RYR2: variants seen among roughly 807,000 people sequenced by gnomAD.
RYR2 encodes cardiac muscle ryanodine receptor-calcium release channel.
In RYR2, 227 loss-of-function variants were observed where a neutral mutation model predicts 601.1. The observed-to-expected ratio is 0.38, with a 90% confidence interval of 0.34 to 0.42. The LOEUF (loss-of-function observed/expected upper bound fraction) is 0.42. Ranked by LOEUF, RYR2 falls within the 10% of genes least tolerant of loss-of-function variation. The pLI is 1.00. For synonymous variants in RYR2, 2,223 were observed against 2,175.1 expected (o/e 1.02, Z -0.61); for missense variants, 4,646 against 6,156.5 (o/e 0.75, Z 8.21).
intron 20 of RYR2, 151 bp from the exon 21 acceptor site, chr1:237,500,560 C>A: frequency 3.2e-6 from 2 of 626,808 alleles, no homozygotes; most frequent in Non-Finnish European, 5.4e-6. Flanking sequence ...AAGAGTTTAA[C>A]ATGTAACATG....
rs181904495 is a variant in RYR2 at position 237,306,193 on chromosome 1, C to T, written c.169-24685C>T. Among the ~76,000 whole-genome samples the T allele has an allele frequency of 4.6e-5, 7 of 152,214 alleles. No homozygotes were observed. In the East Asian group the frequency reaches 1.2e-3, roughly 25 times the overall value. ...ATATAGGTAGCTGATAGGATTAATA[C>T]CATTTAATAATTTTCTATCTGTTTA... On this transcript the variant is annotated intron_variant, in intron 2 of 104. Transcript: ENST00000366574.
rs918690547 is a variant in RYR2, at chr1:237,540,280, C to G, written c.2907-8151C>G. Among the ~76,000 whole-genome samples the G allele has an allele frequency of 2.6e-5, 4 of 151,920 alleles. No homozygotes were observed. In the East Asian group the frequency reaches 7.7e-4, roughly 29 times the overall value. On this transcript the variant is annotated intron_variant, in intron 25 of 104. Transcript: ENST00000366574. ...GCCTAATTGAGTGTTTGAGATTGTT[C>G]GAAAAGCTGTAGATTTAAATGAAAA...
chr1:237,385,674 A>G (rs1701908908), intron 8 of RYR2, among the ~76,000 whole-genome samples: 1 of 152,182 alleles, frequency 6.6e-6, no homozygotes. Flanking sequence ...ATGGATTTGT[A>G]TGTGTGTGTG....
At chr1:237,300,278 G>A (rs114660122) in intron 2 of RYR2, among the ~76,000 whole-genome samples, 4,253 of 152,206 alleles carry the variant, frequency 0.028, 90 homozygotes, top group Non-Finnish European at 0.045. Context: ...TGTTTAAATC[G>A]TAACTAGCAG....
intron 60 of RYR2, among the ~76,000 whole-genome samples, chr1:237,676,033 T>G (rs1685366311): frequency 6.6e-6 from 1 of 152,186 alleles, no homozygotes; most frequent in Non-Finnish European, 1.5e-5. Context: ...TAATCTGAAT[T>G]AATGAAATTT....
At chr1:237,100,702 A>AG (rs1667992527) in intron 1 of RYR2, among the ~76,000 whole-genome samples, 1 of 152,120 alleles carries the variant, frequency 6.6e-6, no homozygotes. Context: ...TGGGATTTAA[A>AG]GGGGCAGTTG....
intron 3 of RYR2, among the ~76,000 whole-genome samples, chr1:237,331,722 G>A (rs1450315305): frequency 6.6e-6 from 1 of 151,032 alleles, no homozygotes; most frequent in African/African-American, 2.4e-5. Flanking sequence ...CACCATGTTG[G>A]CCAGGATGGT....
chr1:237,530,369 G>A (rs1668022365), intron 24 of RYR2, 58 bp from the exon 25 acceptor site: 2 of 1,297,074 alleles, frequency 1.5e-6, no homozygotes, highest in Admixed American at 3.9e-5. Context: ...CTGCTGTCTT[G>A]GGTTATTCTG....
chr1:237,044,056 G>T (rs966247898), intron 1 of RYR2, among the ~76,000 whole-genome samples: 1 of 152,152 alleles, frequency 6.6e-6, no homozygotes, highest in Admixed American at 6.5e-5. Flanking sequence ...ATGCACCATT[G>T]CATATGCTTT....
At chr1:237,695,212 G>T (rs1687311222) in intron 63 of RYR2, among the ~76,000 whole-genome samples, 1 of 152,140 alleles carries the variant, frequency 6.6e-6, no homozygotes, top group African/African-American at 2.4e-5. Flanking sequence ...ATTATTTAGA[G>T]AGTCATATAT....
chr1:237,801,367 CAAAAAAAAAA>C (rs71162423), intron 97 of RYR2, among the ~76,000 whole-genome samples: 5 of 95,514 alleles, frequency 5.2e-5, no homozygotes, highest in Non-Finnish European at 8.2e-5. Context: ...CCCATCTCTA[CAAAAAAAAAA>C]AAAAAAAAAA....
intron 55 of RYR2, among the ~76,000 whole-genome samples, 153 bp downstream of exon 55, chr1:237,660,227 A>G (rs1202257964): frequency 6.7e-6 from 1 of 149,284 alleles, no homozygotes; most frequent in African/African-American, 2.5e-5. Flanking sequence ...ACCTTCTTAT[A>G]TTTTGTCTTT....
At position 237,217,165 on chromosome 1, in the gene RYR2, A is replaced by G. The variant is rs150365304; in HGVS notation, c.49-53332A>G. 4.6e-3 allele frequency among the ~76,000 whole-genome samples: 706 copies of G among 152,322 alleles called. 10 individuals are homozygous for G. The highest frequency in any genetic ancestry group is 0.014 in the African/African-American group (601 of 41,582). ...GACCTCGACTGGTAGGACACTGAGT[A>G]TCATGGGTAGAGAAGTAGCCTCTGA... On this transcript the variant is annotated intron_variant, in intron 1 of 104. Transcript: ENST00000366574.
chr1:237,169,353 C>T (rs906785848), intron 1 of RYR2, among the ~76,000 whole-genome samples: 51 of 150,912 alleles, frequency 3.4e-4, no homozygotes, highest in African/African-American at 1.1e-3. Context: ...GGCTGGAGTG[C>T]AGTGGCACAA....
chr1:237,383,453 A>G (rs1460532959), intron 8 of RYR2, among the ~76,000 whole-genome samples: 2 of 87,016 alleles, frequency 2.3e-5, no homozygotes, highest in Non-Finnish European at 4.2e-5. Flanking sequence ...TTTTTGAGAC[A>G]GAGTCTTGCT....
intron 1 of RYR2, among the ~76,000 whole-genome samples, chr1:237,228,920 A>G (rs1684683461): frequency 6.6e-6 from 1 of 152,170 alleles, no homozygotes; most frequent in African/African-American, 2.4e-5. Context: ...AAAAAATAGG[A>G]AGAAAAATAG....
chr1:237,489,452 T>G (rs1184281973), intron 17 of RYR2, among the ~76,000 whole-genome samples: 1 of 152,034 alleles, frequency 6.6e-6, no homozygotes, highest in Non-Finnish European at 1.5e-5. Flanking sequence ...AGATCAGGAG[T>G]TCGAGACCAG....
At chr1:237,224,189 T>C (rs1249256965) in intron 1 of RYR2, among the ~76,000 whole-genome samples, 1 of 152,078 alleles carries the variant, frequency 6.6e-6, no homozygotes, top group Non-Finnish European at 1.5e-5. Context: ...TTTTTGGGGA[T>C]TTATGACAAT....
In RYR2 at chr1:237,709,118, A is replaced by G; in HGVS notation, c.10142+20A>G. Reference sequence around the variant, plus strand: ...TAACAGGTATGATCAAAAGTAATTTAGTAATTTCTCCAATTCGGTCATAAC... The same window carrying G: ...TAACAGGTATGATCAAAAGTAATTTGGTAATTTCTCCAATTCGGTCATAAC... On this transcript the variant is annotated intron_variant, in intron 69 of 104. Coordinates refer to ENST00000366574, the MANE Select transcript of RYR2 (RefSeq NM_001035.3). 1 of 1,538,964 alleles carries G rather than the reference A, an allele frequency of 6.5e-7. No individual in the cohort carries two copies. The highest frequency in any genetic ancestry group is 8.7e-7 in the Non-Finnish European group (1 of 1,143,888).
Sources: gnomAD v4.1 joint callset for allele counts (sites outside exome capture counted in the v4.1 genomes callset) on GRCh38, gnomAD v4.1.1 for gene constraint, MANE v1.5 for transcripts, NCBI Gene and HGNC (gene_info 2026-07-23, HGNC 2026-07-21) for gene names.